The following SPAG17 variants were observed in gnomAD, a reference collection of about 807,000 sequenced individuals.
The protein encoded by SPAG17 is sperm-associated antigen 17.
Under a neutral mutation model 273.6 loss-of-function variants are expected in SPAG17, and 169 were observed. That is an observed-to-expected ratio of 0.62 (90% CI 0.55 to 0.70). The LOEUF (loss-of-function observed/expected upper bound fraction) is 0.70. Ranked by LOEUF, SPAG17 falls within the 30% of genes least tolerant of loss-of-function variation. SPAG17 has a pLI of 0.00. For missense variants in SPAG17, 2,557 were observed against 2,627.8 expected, an observed-to-expected ratio of 0.97 and a Z score of 0.59; for synonymous variants, 825 against 873.2, an observed-to-expected ratio of 0.94 and a Z score of 0.97.
Position 118,051,878 on chromosome 1 carries a change from A to G in SPAG17, c.2814+2124T>C, listed in dbSNP as rs536032171. Among the ~76,000 whole-genome samples the G allele has an allele frequency of 2.6e-4, 35 of 136,308 alleles. 5 individuals carry two copies. In the South Asian group the frequency reaches 7.7e-3, roughly 30 times the overall value. The allele number at this position is 136,308 out of a possible 152,430, so 89.4% of individuals were successfully genotyped here. ...TATATAATATGTACTATTATAATAT[A>G]TAAACTATTATAATATAATATATAA... On this transcript the variant is annotated intron_variant, in intron 20 of 48. Coordinates refer to ENST00000336338, the MANE Select transcript of SPAG17 (RefSeq NM_206996.4).
chr1:118,058,287 T>A (rs898896668), intron 18 of SPAG17, among the ~76,000 whole-genome samples: 5 of 152,138 alleles, frequency 3.3e-5, no homozygotes, highest in African/African-American at 1.2e-4. Flanking sequence ...GTCTCACAGG[T>A]GCCTCAAACT....
At chr1:117,964,297 G>C (rs1475133718) in intron 47 of SPAG17, 1 of 158,436 alleles carries the variant, frequency 6.3e-6, no homozygotes, top group African/African-American at 2.4e-5. Flanking sequence ...TAAGTAAGTA[G>C]ATAAAAGATC....
chr1:117,996,566 TTAAAAG>T, intron 33 of SPAG17, 26 bp downstream of exon 33: 2 of 1,602,166 alleles, frequency 1.2e-6, no homozygotes, highest in East Asian at 2.2e-5. Context: ...GAACTCAGAA[TTAAAAG>T]TAAAATTATA....
At chr1:117,987,191 C>T (rs901208769) in intron 40 of SPAG17, among the ~76,000 whole-genome samples, 10 of 152,158 alleles carry the variant, frequency 6.6e-5, no homozygotes, top group African/African-American at 2.4e-4. Context: ...GCTATCCTCC[C>T]TGCAGACAGT....
chr1:118,120,934 T>G (rs1314523951), intron 3 of SPAG17, among the ~76,000 whole-genome samples: 1 of 152,182 alleles, frequency 6.6e-6, no homozygotes, highest in Non-Finnish European at 1.5e-5. Flanking sequence ...AAGGAACTAG[T>G]GGCTGATGAA....
intron 48 of SPAG17, among the ~76,000 whole-genome samples, chr1:117,956,663 TACAAAATTA>T (rs200668431): frequency 0.019 from 2,879 of 152,256 alleles, 76 homozygotes; most frequent in South Asian, 0.12. Context: ...ATTAAAAGGC[TACAAAATTA>T]GCAAAATTAA....
chr1:118,103,840 A>AGTGTATGTGTGTGTGT (rs1553251057), intron 4 of SPAG17, among the ~76,000 whole-genome samples: 1 of 136,286 alleles, frequency 7.3e-6, no homozygotes, highest in African/African-American at 2.8e-5. Context: ...GGGAAAATGT[A>AGTGTATGTGTGTGTGT]GTGTGTGTGT....
At chr1:118,032,680 C>A (rs1294746765) in intron 24 of SPAG17, among the ~76,000 whole-genome samples, 7 of 152,010 alleles carry the variant, frequency 4.6e-5, no homozygotes, top group African/African-American at 1.7e-4. Context: ...CTGCAACCTC[C>A]TCCCGGGTTC....
intron 22 of SPAG17, 152 bp downstream of exon 22, chr1:118,040,578 G>A (rs1053215289): frequency 3.2e-6 from 2 of 616,368 alleles, no homozygotes; most frequent in Non-Finnish European, 5.8e-6. Flanking sequence ...AGAAGAAAGT[G>A]TGAAGTCTGA....
intron 14 of SPAG17, 31 bp from the exon 15 acceptor site, chr1:118,081,350 C>G: frequency 6.2e-7 from 1 of 1,611,208 alleles, no homozygotes; most frequent in South Asian, 1.1e-5. Flanking sequence ...CCATGAGATA[C>G]AATATGAGAA....
At chr1:117,987,938 CA>C in intron 39 of SPAG17, 57 bp from the exon 40 acceptor site, 2 of 1,586,422 alleles carry the variant, frequency 1.3e-6, no homozygotes, top group South Asian at 1.1e-5. Context: ...AGCTTAAAAA[CA>C]AAACCAAAAA....
intron 48 of SPAG17, chr1:117,959,044 C>T (rs1006631063): frequency 6.3e-7 from 1 of 1,578,764 alleles, no homozygotes; most frequent in Non-Finnish European, 8.7e-7. Flanking sequence ...GAGGCAAATT[C>T]CTAGTGTGAT....
intron 48 of SPAG17, chr1:117,954,733 C>A: frequency 1.7e-6 from 2 of 1,164,292 alleles, no homozygotes; most frequent in South Asian, 1.5e-5. Context: ...ATTGGGAATA[C>A]TTTGTCTTCA....
intron 38 of SPAG17, among the ~76,000 whole-genome samples, chr1:117,990,559 A>G (rs1421406389): frequency 2.0e-5 from 3 of 152,168 alleles, no homozygotes; most frequent in African/African-American, 4.8e-5. Flanking sequence ...TTTCCTTCCT[A>G]TATCTTCATT....
intron 18 of SPAG17, among the ~76,000 whole-genome samples, chr1:118,064,335 C>A (rs1476376104): frequency 6.6e-6 from 1 of 151,482 alleles, no homozygotes; most frequent in Non-Finnish European, 1.5e-5. Flanking sequence ...TGGAACCAAC[C>A]CAAATGTCCA....
intron 43 of SPAG17, among the ~76,000 whole-genome samples, chr1:117,978,977 C>A (rs988553837): frequency 6.6e-6 from 1 of 151,906 alleles, no homozygotes; most frequent in Non-Finnish European, 1.5e-5. Flanking sequence ...AAGCGATTCT[C>A]CTGCCTCAGC....
At position 118,086,082 on chromosome 1, in the gene SPAG17, A is replaced by G. The variant is rs375996502; in HGVS notation, c.1612-10T>C. The G allele has an allele frequency of 6.2e-7, 1 of 1,613,214 alleles. No homozygotes were observed. The highest frequency in any genetic ancestry group is 8.5e-7 in the Non-Finnish European group (1 of 1,179,756). ...CAAAATTCTTTTGGTCCTGATGAAA[A>G]AGAGCAACATGACAGAAGACATTAG... On this transcript the variant is annotated splice_polypyrimidine_tract_variant and intron_variant, in intron 12 of 48. Coordinates refer to ENST00000336338, the MANE Select transcript of SPAG17 (RefSeq NM_206996.4).
rs1346888300 is a variant in SPAG17, at chr1:118,025,247, T to C, written c.3900A>G (p.Gly1300=). The change falls in exon 27 of 49, where the codon GGA becomes GGG. Residue 1300 remains glycine (G), a synonymous_variant. Coordinates refer to ENST00000336338, the MANE Select transcript of SPAG17 (RefSeq NM_206996.4). ...TAACACATTCTTTTACCTGTGTGGA[T>C]CCATCCAACATATATTTGACAACAG... is the stretch of plus-strand genomic sequence containing the variant. ...QGTVVKYMLD[G]STQILFADGA... 1 of 1,613,492 alleles carries C rather than the reference T, an allele frequency of 6.2e-7. No individual in the cohort carries two copies. The highest frequency in any genetic ancestry group is 8.5e-7 in the Non-Finnish European group (1 of 1,179,670).
chr1:118,156,622 C>T (rs1333342512), intron 1 of SPAG17, among the ~76,000 whole-genome samples: 1 of 152,154 alleles, frequency 6.6e-6, no homozygotes, highest in African/African-American at 2.4e-5. Context: ...GAGGATGCTC[C>T]TCCAGATAGG....
Sources: gnomAD v4.1 joint callset for allele counts (sites outside exome capture counted in the v4.1 genomes callset) on GRCh38, gnomAD v4.1.1 for gene constraint, MANE v1.5 for transcripts, NCBI Gene and HGNC (gene_info 2026-07-23, HGNC 2026-07-21) for gene names.